Variants in NRG4 observed in about 807,000 individuals in gnomAD.
The protein encoded by NRG4 is pro-neuregulin-4, membrane-bound isoform.
NRG4 carries 10 observed loss-of-function variants against 15.0 expected under a neutral mutation model. The ratio of observed to expected loss-of-function variants is 0.67; its 90% CI spans 0.41 to 1.13. NRG4 has a LOEUF of 1.13. Among genes scored for constraint, NRG4 ranks in the 50% most tolerant of loss-of-function variants. The pLI, the probability that NRG4 is intolerant of heterozygous loss-of-function variation, is 0.00. For missense variants in NRG4, 139 were observed against 140.2 expected, an observed-to-expected ratio of 0.99 and a Z score of 0.04; for synonymous variants, 41 against 50.1, an observed-to-expected ratio of 0.82 and a Z score of 0.77.
chr15:75,974,154 T>C (rs1303619384), intron 3 of NRG4, among the ~76,000 whole-genome samples: 1 of 152,246 alleles, frequency 6.6e-6, no homozygotes, highest in Non-Finnish European at 1.5e-5. Context: ...TTCATTTGTG[T>C]AGAGGTGTTT....
At chr15:75,990,066 A>G (rs1314100886) in intron 3 of NRG4, among the ~76,000 whole-genome samples, 1 of 152,172 alleles carries the variant, frequency 6.6e-6, no homozygotes, top group East Asian at 1.9e-4. Context: ...ACTTCACTCT[A>G]GCTAGTCAGA....
At chr15:75,981,917 T>C (rs1293078766) in intron 3 of NRG4, among the ~76,000 whole-genome samples, 2 of 151,650 alleles carry the variant, frequency 1.3e-5, no homozygotes, top group Non-Finnish European at 2.9e-5. Context: ...CTTAAAAATA[T>C]AACTTACAAA....
chr15:76,029,689 A>C (rs2035419455), intron 5 of NRG4, among the ~76,000 whole-genome samples: 1 of 152,202 alleles, frequency 6.6e-6, no homozygotes, highest in Non-Finnish European at 1.5e-5. Context: ...AACTACAAAA[A>C]CATAAAATAC....
At chr15:75,959,204 T>C (rs530907177) in intron 4 of NRG4, 13 of 291,110 alleles carry the variant, frequency 4.5e-5, no homozygotes, top group South Asian at 3.8e-4. Context: ...TCCAGGCTGG[T>C]CTTAAACTCC....
intron 3 of NRG4, among the ~76,000 whole-genome samples, chr15:75,970,886 A>G (rs943399434): frequency 5.3e-5 from 8 of 152,246 alleles, no homozygotes; most frequent in Non-Finnish European, 7.3e-5. Context: ...AAGTGGGCCA[A>G]GAAGTCAAGG....
At chr15:75,989,804 C>T (rs1371029428) in intron 3 of NRG4, among the ~76,000 whole-genome samples, 1 of 152,056 alleles carries the variant, frequency 6.6e-6, no homozygotes, top group Admixed American at 6.6e-5. Flanking sequence ...TTCTTTGTAT[C>T]TAGTAATTTT....
chr15:75,946,345 TTTTG>T (rs931214337), intron 5 of NRG4, among the ~76,000 whole-genome samples: 25 of 152,124 alleles, frequency 1.6e-4, no homozygotes, highest in Admixed American at 1.4e-3. Context: ...CTCCAGAACT[TTTTG>T]TTTGTTTTGT....
chr15:76,017,155 C>CTTTTT (rs66838505), upstream of NRG4, among the ~76,000 whole-genome samples: 69 of 52,292 alleles, frequency 1.3e-3, no homozygotes, highest in African/African-American at 1.7e-3. Context: ...CAACCCCTGC[C>CTTTTT]TTTTTTTTTT....
intron 5 of NRG4, among the ~76,000 whole-genome samples, chr15:76,035,078 T>C (rs1247115513): frequency 6.6e-6 from 1 of 152,232 alleles, no homozygotes; most frequent in East Asian, 1.9e-4. Flanking sequence ...TTTCCTCTCA[T>C]CTTTCTCTGT....
chr15:75,952,352 G>A (rs902497667), intron 5 of NRG4, among the ~76,000 whole-genome samples: 15 of 152,020 alleles, frequency 9.9e-5, no homozygotes, highest in African/African-American at 3.4e-4. Context: ...CTTTATGACT[G>A]GGTCCTTTAC....
At chr15:76,012,759 ATTTATGT>A (rs2034856285), upstream of NRG4, among the ~76,000 whole-genome samples, 1 of 151,932 alleles carries the variant, frequency 6.6e-6, no homozygotes, top group South Asian at 2.1e-4. Flanking sequence ...ATTTTTTTAA[ATTTATGT>A]TTTATGAGGT....
chr15:76,026,799 A>G (rs555709771), intron 5 of NRG4, among the ~76,000 whole-genome samples: 170 of 152,302 alleles, frequency 1.1e-3, no homozygotes, highest in Non-Finnish European at 1.2e-3. Context: ...ACTCCATTTA[A>G]AAGATATAGA....
chr15:75,948,391 C>T (rs1182146435), intron 5 of NRG4, among the ~76,000 whole-genome samples: 1 of 152,072 alleles, frequency 6.6e-6, no homozygotes, highest in African/African-American at 2.4e-5. Flanking sequence ...CCTCCGCCTG[C>T]CGGCTTCAAG....
intron 4 of NRG4, among the ~76,000 whole-genome samples, chr15:76,038,514 G>A (rs1324252673): frequency 6.6e-6 from 1 of 152,238 alleles, no homozygotes; most frequent in Non-Finnish European, 1.5e-5. Context: ...ACCATAAGGT[G>A]AGGGTCCTCT....
intron 3 of NRG4, among the ~76,000 whole-genome samples, chr15:75,985,172 A>G (rs910144516): frequency 6.6e-6 from 1 of 152,124 alleles, no homozygotes; most frequent in African/African-American, 2.4e-5. Context: ...AACAAAAGGG[A>G]AAAAAATAAG....
In NRG4 at chr15:75,943,653, AC is replaced by A; in HGVS notation, c.332del (p.Ser111IlefsTer11). 1 of 1,570,440 alleles carries A rather than the reference AC, an allele frequency of 6.4e-7. No individual in the cohort carries two copies. Among genetic ancestry groups the A allele is most frequent in the Non-Finnish European group, 8.8e-7 (1 of 1,142,288 alleles). On this transcript the variant is annotated frameshift_variant and splice_region_variant, in exon 6 of 6. Transcript: ENST00000394907. LOFTEE classifies it high-confidence loss of function. ...TGACGTTTCTTCAGTGTTGTTCATG[AC>A]CTGTGAAAAATAAGTAAGAATTAAG... ...VETSSTSAHH[S>X]HEQH is the part of the protein sequence containing the mutation.
intron 3 of NRG4, 76 bp from the exon 4 acceptor site, chr15:75,962,050 A>G (rs1726308555): frequency 2.6e-6 from 3 of 1,132,454 alleles, no homozygotes; most frequent in Non-Finnish European, 3.8e-6. Flanking sequence ...CAGTTTCCAG[A>G]TGACGTGAAG....
At chr15:75,995,185 G>A (rs1321050357) in intron 3 of NRG4, among the ~76,000 whole-genome samples, 1 of 151,202 alleles carries the variant, frequency 6.6e-6, no homozygotes, top group African/African-American at 2.4e-5. Flanking sequence ...ACTCCAGAGT[G>A]AGACCCTGTC....
intron 3 of NRG4, chr15:75,971,166 C>A: frequency 2.3e-6 from 1 of 428,384 alleles, no homozygotes; most frequent in Non-Finnish European, 4.6e-6. Context: ...GTTTGATTAC[C>A]TGTACATATG....
Sources: allele counts gnomAD v4.1 joint callset (sites outside exome capture counted in the v4.1 genomes callset), GRCh38; gene constraint gnomAD v4.1.1; transcripts MANE v1.5; gene names NCBI Gene and HGNC (gene_info 2026-07-23, HGNC 2026-07-21).